TUB: variants seen among roughly 807,000 people sequenced by gnomAD.
The protein encoded by TUB is TUB bipartite transcription factor.
In TUB, 33 loss-of-function variants were observed where a neutral mutation model predicts 59.7. The ratio of observed to expected loss-of-function variants is 0.55; its 90% CI spans 0.42 to 0.74. TUB has a LOEUF of 0.74. TUB is among the 30% of genes least tolerant of loss of function. The pLI is 0.00. For missense variants in TUB, 659 were observed against 672.0 expected (o/e 0.98, Z 0.21); for synonymous variants, 293 against 256.4 (o/e 1.14, Z -1.36).
intron 2 of TUB, among the ~76,000 whole-genome samples, chr11:8,046,666 A>C (rs1385623620): frequency 6.6e-6 from 1 of 152,112 alleles, no homozygotes; most frequent in Admixed American, 6.5e-5. Context: ...AGTCTAAGTG[A>C]CTATATAGCA....
At chr11:8,036,302 A>T (rs1189682606), upstream of TUB, among the ~76,000 whole-genome samples, 1 of 152,212 alleles carries the variant, frequency 6.6e-6, no homozygotes, top group Non-Finnish European at 1.5e-5. Flanking sequence ...GCACAGAGCC[A>T]GCTGGTCATC....
In TUB at chr11:8,081,550, T is replaced by G; in HGVS notation, c.38+2T>G. 1 of 1,539,642 alleles carries G rather than the reference T, an allele frequency of 6.5e-7. No individual in the cohort carries two copies. The highest frequency in any genetic ancestry group is 8.7e-7 in the Non-Finnish European group (1 of 1,148,404). ...GCATTCCGACTGGATTCCCTACAGG[T>G]ACGCGGGCGCCGGGCCGGGGCGCCC... On this transcript the variant is annotated splice_donor_variant, in intron 1 of 11. Coordinates refer to ENST00000299506, the MANE Select transcript of TUB (RefSeq NM_177972.3). LOFTEE classifies it high-confidence loss of function.
At chr11:8,082,113 C>T (rs1943580570) in intron 1 of TUB, among the ~76,000 whole-genome samples, 1 of 152,220 alleles carries the variant, frequency 6.6e-6, no homozygotes, top group African/African-American at 2.4e-5. Flanking sequence ...TGCACGTCCA[C>T]CTCCTGTATC....
At chr11:8,095,118 T>C (rs1007357564) in intron 4 of TUB, among the ~76,000 whole-genome samples, 1 of 152,254 alleles carries the variant, frequency 6.6e-6, no homozygotes, top group Non-Finnish European at 1.5e-5. Flanking sequence ...CCAGCATTGA[T>C]GGCTTGTAGC....
In TUB at chr11:8,089,945, C is replaced by T. The variant is rs1943739270; in HGVS notation, c.91-124C>T. On this transcript the variant is annotated intron_variant, in intron 2 of 11. Coordinates refer to ENST00000299506, the MANE Select transcript of TUB (RefSeq NM_177972.3). ...CCTGTTTTGCCTCCCTTTCCTGGAC[C>T]CCAAGTGTTGGGGTGCCAAGGACAT... 2.9e-6 allele frequency: 4 copies of T among 1,380,672 alleles called. No individual in the cohort carries two copies. In the South Asian group the frequency reaches 4.5e-5, roughly 16 times the overall value. 85.5% of individuals were successfully genotyped at this position (1,380,672 alleles called of 1,614,324 possible). A position where few individuals can be genotyped will look rare whatever the true frequency, so the allele number is the denominator to read the frequency against.
intron 2 of TUB, among the ~76,000 whole-genome samples, chr11:8,052,803 G>T (rs1942954484): frequency 6.6e-6 from 1 of 152,018 alleles, no homozygotes; most frequent in African/African-American, 2.4e-5. Context: ...TTTTAAATTG[G>T]ATGTTTCTGA....
intron 1 of TUB, among the ~76,000 whole-genome samples, chr11:8,019,771 C>G (rs1006427444): frequency 6.6e-6 from 1 of 151,738 alleles, no homozygotes; most frequent in Non-Finnish European, 1.5e-5. Context: ...GGGATGCGCC[C>G]GCCGGCGTCT....
At chr11:8,086,998 G>A (rs562129311) in intron 1 of TUB, among the ~76,000 whole-genome samples, 48 of 152,348 alleles carry the variant, frequency 3.2e-4, no homozygotes, top group African/African-American at 1.1e-3. Flanking sequence ...AAATGGAGGT[G>A]GAGGCAGAGG....
At chr11:8,058,730 G>A (rs933673066) in intron 2 of TUB, among the ~76,000 whole-genome samples, 3 of 152,188 alleles carry the variant, frequency 2.0e-5, no homozygotes, top group Admixed American at 6.5e-5. Flanking sequence ...TAACATAAAT[G>A]AAAATATCAA....
intron 1 of TUB, among the ~76,000 whole-genome samples, chr11:8,019,887 A>G (rs1180435457): frequency 6.6e-6 from 1 of 152,094 alleles, no homozygotes; most frequent in African/African-American, 2.4e-5. Flanking sequence ...GCGAGATGGC[A>G]GCCTGGGCCG....
chr11:8,071,763 A>C (rs2133796912), intron 2 of TUB, among the ~76,000 whole-genome samples: 1 of 152,320 alleles, frequency 6.6e-6, no homozygotes, highest in East Asian at 1.9e-4. Flanking sequence ...CAGGGCCAGG[A>C]GGCTGGGGCC....
At chr11:8,030,974 T>C (rs1335007363) in intron 1 of TUB, among the ~76,000 whole-genome samples, 1 of 152,160 alleles carries the variant, frequency 6.6e-6, no homozygotes, top group East Asian at 1.9e-4. Context: ...CAGTCTGACA[T>C]TTTGGGTGTT....
intron 3 of TUB, 71 bp downstream of exon 3, chr11:8,090,302 A>T (rs1010824032): frequency 1.3e-6 from 2 of 1,571,538 alleles, no homozygotes; most frequent in Non-Finnish European, 1.7e-6. Flanking sequence ...CCACCTAGGC[A>T]GGTGCGGACT....
chr11:8,049,783 C>G (rs1410377725), intron 2 of TUB, among the ~76,000 whole-genome samples: 2 of 151,780 alleles, frequency 1.3e-5, no homozygotes, highest in Admixed American at 6.6e-5. Context: ...AGTTCCAACA[C>G]CCAGAGGTAA....
rs532449666 is a variant in TUB, at chr11:8,097,459, T to G, written c.885+34T>G. ...GGTCTGGGCATGTTATCATCTAGGC[T>G]TTACAGCCCTTTGAAATCCTAGGGG... On this transcript the variant is annotated intron_variant, in intron 7 of 11. Coordinates refer to ENST00000299506, the MANE Select transcript of TUB (RefSeq NM_177972.3). 3.1e-6 allele frequency: 5 copies of G among 1,613,320 alleles called. No homozygotes were observed. In the African/African-American group the frequency reaches 6.7e-5, roughly 22 times the overall value.
rs370942718 is a variant in TUB, at chr11:8,097,275, C to T, written c.735C>T (p.Asp245=). The T allele has an allele frequency of 1.6e-5, 26 of 1,614,182 alleles. No homozygotes were observed. The highest frequency in any genetic ancestry group is 2.2e-5 in the East Asian group (1 of 44,876). ...PSPTAPEQPV[D]VEVQDLEEFA... is the part of the protein sequence containing the mutation. The stretch of plus-strand genomic sequence containing the variant: ...CAACAGCTCCAGAGCAACCAGTGGA[C>T]GTTGAGGTCCAGGATCTTGAGGAGT... Residue 245 remains aspartate (D), a synonymous_variant, in exon 7 of 12, where the codon GAC becomes GAT. Coordinates refer to ENST00000299506, the MANE Select transcript of TUB (RefSeq NM_177972.3).
At position 8,097,372 on chromosome 11, in the gene TUB, C is replaced by T. The variant is rs752395091; in HGVS notation, c.832C>T (p.Arg278Trp). ...RITRDKKGMDRGMYPTYFLHL... is the reference protein window; with the variant it reads ...RITRDKKGMDWGMYPTYFLHL... Reference sequence around the variant, plus strand: ...CACTCGGGACAAGAAAGGGATGGACCGGGGCATGTACCCCACCTACTTTCT... The same window carrying T: ...CACTCGGGACAAGAAAGGGATGGACTGGGGCATGTACCCCACCTACTTTCT... The change falls in exon 7 of 12, where the codon CGG becomes TGG. Residue 278 changes from arginine (R) to tryptophan (W), a missense_variant. Physicochemically the swap from Arg to Trp is moderately radical, Grantham distance 101. Coordinates refer to ENST00000299506, the MANE Select transcript of TUB (RefSeq NM_177972.3). 9 of 1,614,026 alleles carry T rather than the reference C, an allele frequency of 5.6e-6. No homozygotes were observed. Among genetic ancestry groups the T allele is most frequent in the Admixed American group, 3.3e-5 (2 of 60,002 alleles).
At chr11:8,039,526 C>T in intron 1 of TUB, 5 of 800,954 alleles carry the variant, frequency 6.2e-6, no homozygotes, top group Middle Eastern at 2.5e-4. Context: ...CCTACTGAGG[C>T]AGCTGAGACC....
chr11:8,029,388 C>CTTTTTT (rs71059146), intron 1 of TUB, among the ~76,000 whole-genome samples: 2 of 123,578 alleles, frequency 1.6e-5, no homozygotes, highest in African/African-American at 6.0e-5. Flanking sequence ...TTCTTTCTTT[C>CTTTTTT]TTTTTTTTTT....
Sources: allele counts gnomAD v4.1 joint callset (sites outside exome capture counted in the v4.1 genomes callset), GRCh38; gene constraint gnomAD v4.1.1; transcripts MANE v1.5; gene names NCBI Gene and HGNC (gene_info 2026-07-23, HGNC 2026-07-21).